The following EBF1 variants were observed in gnomAD, a reference collection of about 807,000 sequenced individuals.
The protein encoded by EBF1 is transcription factor COE1.
In EBF1, 10 loss-of-function variants were observed where a neutral mutation model predicts 68.4. The observed-to-expected ratio is 0.15, with a 90% CI of 0.09 to 0.25. EBF1 has a LOEUF of 0.25. Among genes scored for constraint, EBF1 ranks in the 10% least tolerant of loss-of-function variants. The pLI is 1.00. For synonymous variants in EBF1, 298 were observed against 299.8 expected (o/e 0.99, Z 0.06); for missense variants, 509 against 794.4 (o/e 0.64, Z 4.32).
intron 6 of EBF1, among the ~76,000 whole-genome samples, chr5:159,071,591 G>T (rs577510748): frequency 4.6e-5 from 7 of 152,282 alleles, no homozygotes; most frequent in Admixed American, 2.6e-4. Flanking sequence ...TTACAGTGCT[G>T]CTGAGTCAAG....
intron 6 of EBF1, among the ~76,000 whole-genome samples, chr5:158,977,545 A>G (rs544261182): frequency 2.9e-4 from 44 of 152,340 alleles, no homozygotes; most frequent in African/African-American, 9.1e-4. Context: ...CGTTCTCCCA[A>G]TTAGTAGCAC....
chr5:158,827,337 A>G (rs566746350), intron 7 of EBF1, among the ~76,000 whole-genome samples: 38 of 152,336 alleles, frequency 2.5e-4, no homozygotes, highest in Admixed American at 1.2e-3. Context: ...CCTTTGTGCT[A>G]GTAACACATT....
At chr5:159,084,634 T>TA (rs1780322990) in intron 5 of EBF1, 32 bp downstream of exon 5, 1 of 1,497,976 alleles carries the variant, frequency 6.7e-7, no homozygotes, top group South Asian at 1.3e-5. Flanking sequence ...TTCTCTTTGC[T>TA]AATTAACGGG....
At chr5:158,861,972 G>A (rs1795037039) in intron 6 of EBF1, among the ~76,000 whole-genome samples, 1 of 151,814 alleles carries the variant, frequency 6.6e-6, no homozygotes, top group South Asian at 2.1e-4. Flanking sequence ...CCTTTTTTAT[G>A]TTATTTCATA....
rs528169058 is a variant in EBF1 at position 158,706,909 on chromosome 5, C to G, written c.1744+1070G>C. ...TATAAAATCTGCTCCATGCATAGGA[C>G]AGCCCCAGGTACACTGTTCAGTGCT... On this transcript the variant is annotated intron_variant, in intron 15 of 15. Transcript: ENST00000313708. Among the ~76,000 whole-genome samples, 42 of 152,346 alleles carry G rather than the reference C, an allele frequency of 2.8e-4. No individual in the cohort carries two copies. The South Asian group carries it at 7.7e-3, about 28-fold the overall frequency.
At chr5:158,893,251 C>G (rs1445596997) in intron 6 of EBF1, among the ~76,000 whole-genome samples, 1 of 152,078 alleles carries the variant, frequency 6.6e-6, no homozygotes, top group Non-Finnish European at 1.5e-5. Flanking sequence ...AGCCTTTTTT[C>G]TCTTCCCCTG....
chr5:159,071,331 C>T (rs1186973702), intron 6 of EBF1, among the ~76,000 whole-genome samples: 1 of 152,074 alleles, frequency 6.6e-6, no homozygotes, highest in African/African-American at 2.4e-5. Flanking sequence ...CCAAGATTGG[C>T]TACACACTGT....
intron 6 of EBF1, among the ~76,000 whole-genome samples, chr5:158,841,450 A>C (rs1199556578): frequency 6.6e-6 from 1 of 152,236 alleles, no homozygotes; most frequent in Non-Finnish European, 1.5e-5. Flanking sequence ...TGTGGATTTC[A>C]GGCCGAAATG....
chr5:159,010,289 A>T (rs1025339434), intron 6 of EBF1, among the ~76,000 whole-genome samples: 2 of 152,220 alleles, frequency 1.3e-5, no homozygotes, highest in South Asian at 2.1e-4. Flanking sequence ...TGGATAAATA[A>T]CCTTACCTAC....
chr5:159,059,487 G>A (rs1404392896), intron 6 of EBF1, among the ~76,000 whole-genome samples: 1 of 152,166 alleles, frequency 6.6e-6, no homozygotes, highest in Non-Finnish European at 1.5e-5. Context: ...CATACTGTCT[G>A]AGAATTCTCA....
At chr5:159,064,194 A>G (rs1396925674) in intron 6 of EBF1, among the ~76,000 whole-genome samples, 3 of 152,214 alleles carry the variant, frequency 2.0e-5, no homozygotes, top group South Asian at 2.1e-4. Flanking sequence ...ATGTGTGTGT[A>G]TATATACATA....
intron 11 of EBF1, among the ~76,000 whole-genome samples, chr5:158,717,102 A>G (rs999839117): frequency 2.0e-5 from 3 of 152,238 alleles, no homozygotes; most frequent in African/African-American, 7.2e-5. Context: ...TGTATATTGC[A>G]CTTAAAGTAT....
intron 6 of EBF1, among the ~76,000 whole-genome samples, chr5:158,844,458 G>T (rs1366320132): frequency 6.6e-6 from 1 of 152,122 alleles, no homozygotes; most frequent in Non-Finnish European, 1.5e-5. Flanking sequence ...CTCGTAAATT[G>T]ACCGAAAGGA....
rs567105994 is a variant in EBF1 at position 158,855,968 on chromosome 5, G to A, written c.555-15858C>T. 4.6e-5 allele frequency among the ~76,000 whole-genome samples: 7 copies of A among 152,298 alleles called. No individual in the cohort carries two copies. In the East Asian group the frequency reaches 9.6e-4, roughly 21 times the overall value. On this transcript the variant is annotated intron_variant, in intron 6 of 15. Transcript: ENST00000313708. ...CCAGGCTAGATTCTTAAGCATGGCA[G>A]GAAGAGCCACACAAAGTGGAGGATA...
intron 6 of EBF1, among the ~76,000 whole-genome samples, chr5:158,955,332 A>T (rs1190176254): frequency 2.0e-5 from 3 of 150,746 alleles, no homozygotes; most frequent in Non-Finnish European, 4.4e-5. Context: ...TAAAAAAAAA[A>T]GAGAGAGAGA....
At chr5:159,010,472 C>G (rs1764428347) in intron 6 of EBF1, among the ~76,000 whole-genome samples, 1 of 151,408 alleles carries the variant, frequency 6.6e-6, no homozygotes, top group African/African-American at 2.4e-5. Flanking sequence ...AGGTTTAAAA[C>G]CCCGGAAAAT....
At chr5:158,874,301 A>G (rs1019645072) in intron 6 of EBF1, among the ~76,000 whole-genome samples, 17 of 152,176 alleles carry the variant, frequency 1.1e-4, no homozygotes, top group African/African-American at 4.1e-4. Flanking sequence ...AGATACAACT[A>G]TAGTATGTTC....
intron 10 of EBF1, 91 bp from the exon 11 acceptor site, chr5:158,731,248 G>C (rs753294053): frequency 2.2e-5 from 27 of 1,221,022 alleles, no homozygotes; most frequent in Non-Finnish European, 3.2e-5. Flanking sequence ...TAACCAGGAA[G>C]TCCAAAGTTT....
chr5:158,784,587 C>T (rs1777049273), intron 9 of EBF1, among the ~76,000 whole-genome samples: 2 of 152,044 alleles, frequency 1.3e-5, no homozygotes, highest in South Asian at 4.1e-4. Flanking sequence ...AAGTTGCAAG[C>T]CACAAAGCCA....
Sources: gnomAD v4.1 joint callset for allele counts (sites outside exome capture counted in the v4.1 genomes callset) on GRCh38, gnomAD v4.1.1 for gene constraint, MANE v1.5 for transcripts, NCBI Gene and HGNC (gene_info 2026-07-23, HGNC 2026-07-21) for gene names.